IL17REL: variants seen among roughly 807,000 people sequenced by gnomAD.
IL17REL encodes interleukin 17 receptor E like.
Under a neutral mutation model 49.0 loss-of-function variants are expected in IL17REL, and 36 were observed. The ratio of observed to expected loss-of-function variants is 0.73; its 90% CI spans 0.56 to 0.97. The LOEUF is 0.97. IL17REL is among the 50% of genes least tolerant of loss of function. The probability of loss-of-function intolerance (pLI) is 0.00; values close to 1 mark genes in which losing one functional copy is unlikely to be tolerated. For missense variants in IL17REL, 470 were observed against 453.9 expected, an observed-to-expected ratio of 1.04 and a Z score of -0.32; for synonymous variants, 206 against 192.4, an observed-to-expected ratio of 1.07 and a Z score of -0.58.
rs1224416040 is a variant in IL17REL at position 49,999,981 on chromosome 22, C to T, written c.335-14G>A. The stretch of plus-strand genomic sequence containing the variant: ...TGAGCTTCCCCGCTGCAGGAGGCGG[C>T]AAGTCGGGGCCGCGCTGGGACCAGC... On this transcript the variant is annotated splice_polypyrimidine_tract_variant and intron_variant, in intron 4 of 12. Coordinates refer to ENST00000341280, the Ensembl canonical transcript of IL17REL. The T allele has an allele frequency of 1.3e-6, 2 of 1,494,776 alleles. No homozygotes were observed. The highest frequency in any genetic ancestry group is 1.8e-6 in the Non-Finnish European group (2 of 1,117,896). The allele number at this position is 1,494,776 out of a possible 1,614,324, so 92.6% of individuals were successfully genotyped here. A position where few individuals can be genotyped will look rare whatever the true frequency, so the allele number is the denominator to read the frequency against.
At chr22:49,994,315 C>CACTGACCTTG, downstream of IL17REL, among the ~76,000 whole-genome samples, 1 of 152,014 alleles carries the variant, frequency 6.6e-6, no homozygotes, top group East Asian at 1.9e-4. Context: ...CACCATGTGA[C>CACTGACCTTG]GCTGACCTCA....
chr22:50,000,694 C>T, intron 3 of IL17REL, 60 bp downstream of exon 4: 1 of 1,545,312 alleles, frequency 6.5e-7, no homozygotes, highest in Non-Finnish European at 8.8e-7. Flanking sequence ...GGGATGGCGC[C>T]CAGGAGGAGT....
At chr22:50,005,528 G>C (rs1312450193) in intron 1 of IL17REL, among the ~76,000 whole-genome samples, 1 of 152,154 alleles carries the variant, frequency 6.6e-6, no homozygotes, top group Non-Finnish European at 1.5e-5. Flanking sequence ...TGGGCCGGGC[G>C]CGGTGGCTCA....
At chr22:49,993,490 G>A (rs373688170), downstream of IL17REL, among the ~76,000 whole-genome samples, 13 of 152,274 alleles carry the variant, frequency 8.5e-5, no homozygotes, top group East Asian at 1.5e-3. The surrounding 1 kb of genome is among the most constrained non-coding windows in gnomAD (Gnocchi z 6.0). Flanking sequence ...TGGGCGCTCC[G>A]TGTTGGGTGC....
Position 49,998,318 on chromosome 22 carries a change from A to G in IL17REL, c.602-9T>C, listed in dbSNP as rs770339077. On this transcript the variant is annotated splice_polypyrimidine_tract_variant and intron_variant, in intron 7 of 12. Coordinates refer to ENST00000341280, the Ensembl canonical transcript of IL17REL. The stretch of plus-strand genomic sequence containing the variant: ...CTCCAGTGCCTCAGTGTCTGCAGGA[A>G]CCCTCCCCGAAACACAGGTCAGTTG... 1.3e-6 allele frequency: 2 copies of G among 1,588,006 alleles called. No individual in the cohort carries two copies. Among genetic ancestry groups the G allele is most frequent in the Non-Finnish European group, 8.6e-7 (1 of 1,167,638 alleles).
upstream of IL17REL, among the ~76,000 whole-genome samples, chr22:50,010,689 C>A (rs973959856): frequency 1.3e-5 from 2 of 152,226 alleles, no homozygotes; most frequent in Non-Finnish European, 2.9e-5. Context: ...CCCCGTGGCC[C>A]GAGTGTCTGG....
intron 1 of IL17REL, among the ~76,000 whole-genome samples, chr22:50,007,175 T>G (rs988351114): frequency 6.6e-6 from 1 of 152,022 alleles, no homozygotes; most frequent in Non-Finnish European, 1.5e-5. Context: ...TCATTACTAT[T>G]AATATCAGGA....
intron 1 of IL17REL, among the ~76,000 whole-genome samples, chr22:50,001,713 GC>G (rs1265745386): frequency 6.6e-6 from 1 of 152,268 alleles, no homozygotes; most frequent in African/African-American, 2.4e-5. Flanking sequence ...AGGGCCTTCT[GC>G]TCTGAGACCA....
chr22:50,006,366 G>A (rs2061110495), intron 1 of IL17REL, among the ~76,000 whole-genome samples: 2 of 152,044 alleles, frequency 1.3e-5, no homozygotes, highest in Non-Finnish European at 2.9e-5. Flanking sequence ...ACTGCTCCTG[G>A]CACCACCCAG....
chr22:49,998,717 G>A (rs1300307023), intron 7 of IL17REL, among the ~76,000 whole-genome samples: 5 of 151,036 alleles, frequency 3.3e-5, no homozygotes, highest in Non-Finnish European at 3.0e-5. Context: ...GCATGTGTAC[G>A]TGTTTGCATG....
At chr22:50,006,352 A>T (rs906225722) in intron 1 of IL17REL, among the ~76,000 whole-genome samples, 2 of 152,092 alleles carry the variant, frequency 1.3e-5, no homozygotes, top group Non-Finnish European at 2.9e-5. Context: ...CCCGACAGTC[A>T]GACACTGCTC....
intron 7 of IL17REL, among the ~76,000 whole-genome samples, chr22:49,998,724 CATGTGTATGG>C (rs963510976): frequency 1.4e-5 from 2 of 145,560 alleles, no homozygotes; most frequent in African/African-American, 5.3e-5. Flanking sequence ...TACGTGTTTG[CATGTGTATGG>C]GTGTGTATGT....
chr22:49,998,531 C>T (rs2061051817), intron 7 of IL17REL, among the ~76,000 whole-genome samples: 1 of 148,234 alleles, frequency 6.7e-6, no homozygotes, highest in Non-Finnish European at 1.5e-5. Context: ...TGTGCCTGTG[C>T]ATGGGTGTCA....
At chr22:49,994,393 G>T, downstream of IL17REL, 1 of 152,486 alleles carries the variant, frequency 6.6e-6, no homozygotes. Flanking sequence ...ACATGCCCAT[G>T]GGGGTGCGGC....
chr22:49,997,080 TG>T lies in IL17REL; in HGVS notation c.975-7del. 6.4e-7 allele frequency: 1 copy of T among 1,569,506 alleles called. No homozygotes were observed. Among genetic ancestry groups the T allele is most frequent in the Non-Finnish European group, 8.6e-7 (1 of 1,162,648 alleles). On this transcript the variant is annotated splice_polypyrimidine_tract_variant and splice_region_variant and intron_variant, in intron 11 of 12. Transcript: ENST00000341280. ...GGGGCGGCTGCCAGGTCACCCTGGGTGGGGGAGGGCAGGTCACAGGCAATGG... is the reference window on the plus strand; with the variant it reads ...GGGGCGGCTGCCAGGTCACCCTGGGTGGGGAGGGCAGGTCACAGGCAATGG...
chr22:50,006,104 G>A (rs1207475914), intron 1 of IL17REL, among the ~76,000 whole-genome samples: 2 of 152,124 alleles, frequency 1.3e-5, no homozygotes, highest in Non-Finnish European at 2.9e-5. Context: ...GCTTTGTGGG[G>A]AGGCCCCAGC....
At chr22:50,007,627 C>T (rs1423597003) in intron 1 of IL17REL, among the ~76,000 whole-genome samples, 2 of 152,228 alleles carry the variant, frequency 1.3e-5, no homozygotes, top group Non-Finnish European at 2.9e-5. Context: ...GATCCACCTG[C>T]CTCGGCCTCC....
At chr22:49,993,771 C>T (rs1375339645), downstream of IL17REL, among the ~76,000 whole-genome samples, 1 of 152,184 alleles carries the variant, frequency 6.6e-6, no homozygotes, top group African/African-American at 2.4e-5. The surrounding 1 kb of genome is among the most constrained non-coding windows in gnomAD (Gnocchi z 6.0). Context: ...CCAATCCTCC[C>T]CAGCCCCACC....
intron 10 of IL17REL, 76 bp downstream of exon 12, chr22:49,997,609 T>A: frequency 6.6e-7 from 1 of 1,508,812 alleles, no homozygotes. Context: ...TTATTCCACC[T>A]CCCTGACCAG....
Sources: allele counts gnomAD v4.1 joint callset (sites outside exome capture counted in the v4.1 genomes callset), GRCh38; gene constraint gnomAD v4.1.1; non-coding constraint Gnocchi (gnomAD v3.1); transcripts MANE v1.5; gene names NCBI Gene and HGNC (gene_info 2026-07-23, HGNC 2026-07-21).